SOHLH1: variants seen among roughly 807,000 people sequenced by gnomAD.
The protein encoded by SOHLH1 is spermatogenesis and oogenesis specific basic helix-loop-helix 1, also known as spermatogenesis- and oogenesis-specific basic helix-loop-helix-containing protein 1.
In SOHLH1, 23 loss-of-function variants were observed where a neutral mutation model predicts 36.2. That is an observed-to-expected ratio of 0.64 (90% CI 0.46 to 0.90). SOHLH1 has a LOEUF of 0.90. Among genes scored for constraint, SOHLH1 ranks in the 40% least tolerant of loss-of-function variants. The pLI, the probability that SOHLH1 is intolerant of heterozygous loss-of-function variation, is 0.00. For missense variants in SOHLH1, 608 were observed against 517.0 expected (o/e 1.18, Z -1.71); for synonymous variants, 289 against 228.3 (o/e 1.27, Z -2.40).
In SOHLH1 at chr9:135,694,427, C is replaced by A. The variant is rs1185848548; in HGVS notation, c.906G>T (p.Gly302=). 3 of 1,613,272 alleles carry A rather than the reference C, an allele frequency of 1.9e-6. No homozygotes were observed. Among genetic ancestry groups the A allele is most frequent in the Non-Finnish European group, 1.7e-6 (2 of 1,180,020 alleles). The stretch of plus-strand genomic sequence containing the variant: ...GACCAGCAGTCAGCAGGAAGGACGT[C>A]CCATCGTCCACATCAGACCCCAACG... ...GSALGSDVDD[G]TSFLLTAGPS... The change falls in exon 7 of 8, where the codon GGG becomes GGT. Residue 302 remains glycine, a synonymous_variant. Coordinates refer to ENST00000425225, the MANE Select transcript of SOHLH1 (RefSeq NM_001101677.2).
intron 3 of SOHLH1, 41 bp downstream of exon 3, chr9:135,698,288 G>A (rs1158118321): frequency 7.4e-6 from 12 of 1,611,736 alleles, no homozygotes; most frequent in Middle Eastern, 3.3e-4. Context: ...TCCCATCACC[G>A]TGATGCCGGA....
At chr9:135,697,788 G>A (rs1046536254) in intron 3 of SOHLH1, among the ~76,000 whole-genome samples, 161 bp from the exon 4 acceptor site, 4 of 152,150 alleles carry the variant, frequency 2.6e-5, no homozygotes, top group East Asian at 1.9e-4. Flanking sequence ...CGAGGCTGAG[G>A]TTCCACCCCC....
chr9:135,696,020 A>C (rs1834777827), intron 5 of SOHLH1, among the ~76,000 whole-genome samples: 1 of 151,872 alleles, frequency 6.6e-6, no homozygotes, highest in African/African-American at 2.4e-5. Flanking sequence ...GGCGGGTGAG[A>C]GAAGCAGGGC....
Position 135,698,378 on chromosome 9 carries a change from T to C in SOHLH1, c.296A>G (p.Gln99Arg), listed in dbSNP as rs1322040496. The C allele has an allele frequency of 1.2e-6, 2 of 1,612,960 alleles. No homozygotes were observed. Among genetic ancestry groups the C allele is most frequent in the African/African-American group, 1.3e-5 (1 of 74,924 alleles). ...CAGGGCGCTGGCAAGCCGCAGGAAC[T>C]GCACAGACATCTCCAGGACCGAGGC... ...DMASVLEMSV[Q>R]FLRLASALGP... The change falls in exon 3 of 8, where the codon CAG (glutamine) becomes CGG (arginine). Residue 99 changes from glutamine to arginine, a missense_variant. Physicochemically the swap from Gln to Arg is conservative, Grantham distance 43. Coordinates refer to ENST00000425225, the MANE Select transcript of SOHLH1 (RefSeq NM_001101677.2).
intron 3 of SOHLH1, among the ~76,000 whole-genome samples, 176 bp from the exon 4 acceptor site, chr9:135,697,803 G>A (rs1834866231): frequency 1.3e-5 from 2 of 152,202 alleles, no homozygotes. Context: ...ACCCCCGAAA[G>A]GCCCCACCAT....
chr9:135,694,662 G>C (rs965524740), intron 6 of SOHLH1, among the ~76,000 whole-genome samples: 3 of 152,078 alleles, frequency 2.0e-5, no homozygotes, highest in African/African-American at 7.2e-5. Flanking sequence ...CGCGGGTCCC[G>C]ATCCGTCCTG....
chr9:135,696,441 G>A (rs577916766), intron 5 of SOHLH1, among the ~76,000 whole-genome samples, 171 bp downstream of exon 5: 1 of 152,108 alleles, frequency 6.6e-6, no homozygotes, highest in Non-Finnish European at 1.5e-5. Context: ...GGCACAGCCC[G>A]GGGGCCTTGA....
At chr9:135,699,613 C>T (rs1834963884), upstream of SOHLH1, 7 of 849,222 alleles carry the variant, frequency 8.2e-6, no homozygotes, top group South Asian at 1.0e-4. Flanking sequence ...AGCGCATGCG[C>T]TCTAGCCCTC....
chr9:135,696,918 A>G, intron 4 of SOHLH1, 113 bp from the exon 5 acceptor site: 1 of 1,196,510 alleles, frequency 8.4e-7, no homozygotes, highest in Non-Finnish European at 1.2e-6. Flanking sequence ...CACCCCAGGC[A>G]CCACCCAGCA....
chr9:135,695,915 A>C (rs1834771777), intron 5 of SOHLH1, among the ~76,000 whole-genome samples: 1 of 152,026 alleles, frequency 6.6e-6, no homozygotes, highest in African/African-American at 2.4e-5. Flanking sequence ...CCCCAATTAC[A>C]GTTCCTGCCA....
chr9:135,700,723 G>T (rs146005819), upstream of SOHLH1, among the ~76,000 whole-genome samples: 30 of 152,288 alleles, frequency 2.0e-4, no homozygotes, highest in East Asian at 4.4e-3. Flanking sequence ...ATAAGGTGGT[G>T]TCTCCATCCC....
At chr9:135,697,674 G>A (rs373781599) in intron 3 of SOHLH1, 47 bp from the exon 4 acceptor site, 40 of 1,590,830 alleles carry the variant, frequency 2.5e-5, no homozygotes, top group East Asian at 6.8e-5. Context: ...ACAGTCAGCT[G>A]AGAAACCCAA....
rs753851679 is a variant in SOHLH1, at chr9:135,694,411, T to C, written c.922A>G (p.Thr308Ala). The C allele has an allele frequency of 6.2e-7, 1 of 1,613,238 alleles. No individual in the cohort carries two copies. Among genetic ancestry groups the C allele is most frequent in the East Asian group, 2.2e-5 (1 of 44,880 alleles). The change falls in exon 7 of 8, where the codon ACT (threonine) becomes GCT (alanine). Residue 308 changes from threonine to alanine, a missense_variant. Thr to Ala is a moderately conservative substitution (Grantham distance 58, BLOSUM62 0). Transcript: ENST00000425225. Reference sequence around the variant, plus strand: ...CCCGGCCACGAGCTGGGACCAGCAGTCAGCAGGAAGGACGTCCCATCGTCC... The same window carrying C: ...CCCGGCCACGAGCTGGGACCAGCAGCCAGCAGGAAGGACGTCCCATCGTCC... ...DVDDGTSFLL[T>A]AGPSSWPGSL...
chr9:135,697,999 G>T (rs1402410148), intron 3 of SOHLH1, among the ~76,000 whole-genome samples: 1 of 152,028 alleles, frequency 6.6e-6, no homozygotes, highest in Non-Finnish European at 1.5e-5. Context: ...GCAGAGAAAT[G>T]ATCTAGGGGG....
chr9:135,699,740 C>T (rs1271700686), upstream of SOHLH1, among the ~76,000 whole-genome samples: 1 of 152,112 alleles, frequency 6.6e-6, no homozygotes, highest in Non-Finnish European at 1.5e-5. Context: ...GAAGGGGCCC[C>T]AGCCCAGGTG....
rs202048668 is a variant in SOHLH1 at position 135,693,570 on chromosome 9, G to T, written c.*27C>A. The T allele has an allele frequency of 5.8e-6, 9 of 1,539,052 alleles. No homozygotes were observed. Among genetic ancestry groups the T allele is most frequent in the Non-Finnish European group, 7.0e-6 (8 of 1,137,778 alleles). On this transcript the variant is annotated 3_prime_UTR_variant, in exon 8 of 8. Transcript: ENST00000425225. Reference sequence around the variant, plus strand: ...ACACGGCTCCAGATCCACCGGCCCCGCCCGCCTCCTCTCCACAGCCTGGCT... The same window carrying T: ...ACACGGCTCCAGATCCACCGGCCCCTCCCGCCTCCTCTCCACAGCCTGGCT...
At position 135,694,157 on chromosome 9, in the gene SOHLH1, C is replaced by T. The variant is rs1275165247; in HGVS notation, c.946+230G>A. On this transcript the variant is annotated intron_variant, in intron 7 of 7. Coordinates refer to ENST00000425225, the MANE Select transcript of SOHLH1 (RefSeq NM_001101677.2). ...AAGAATACAGGGCTCCAAGCACCGC[C>T]AGCTCTCATGCAGGCTCGTCCACAT... 9.1e-6 allele frequency: 13 copies of T among 1,435,988 alleles called. No homozygotes were observed. The African/African-American group carries it at 1.9e-4, about 21-fold the overall frequency. The allele number at this position is 1,435,988 out of a possible 1,614,324, so 89.0% of individuals were successfully genotyped here.
At chr9:135,698,932 A>G in intron 2 of SOHLH1, 63 bp downstream of exon 2, 1 of 1,609,080 alleles carries the variant, frequency 6.2e-7, no homozygotes, top group Non-Finnish European at 8.5e-7. Context: ...GCAGCCCCGA[A>G]CATAATCTCA....
In SOHLH1 at chr9:135,698,333, T is replaced by C; in HGVS notation, c.341A>G (p.His114Arg). The change falls in exon 3 of 8, where the codon CAC becomes CGC. Residue 114 changes from histidine to arginine, a missense_variant. By Grantham distance (29) the His-to-Arg change is conservative (BLOSUM62 0). Coordinates refer to ENST00000425225, the MANE Select transcript of SOHLH1 (RefSeq NM_001101677.2). ...GCGTCTACCCTTACAACTCACAGCG[T>C]GCTGCTCCTGACTGGGCCCCAGGGC... ...ASALGPSQEQ[H>R]AILASSKEMW... 6.2e-7 allele frequency: 1 copy of C among 1,612,936 alleles called. No homozygotes were observed. Among genetic ancestry groups the C allele is most frequent in the Non-Finnish European group, 8.5e-7 (1 of 1,180,010 alleles).
Sources: gnomAD v4.1 joint callset for allele counts (sites outside exome capture counted in the v4.1 genomes callset) on GRCh38, gnomAD v4.1.1 for gene constraint, MANE v1.5 for transcripts, NCBI Gene and HGNC (gene_info 2026-07-23, HGNC 2026-07-21) for gene names.